Variants in SYT1 observed in about 807,000 individuals in gnomAD.
SYT1 encodes the protein synaptotagmin-1.
Under a neutral mutation model 44.8 loss-of-function variants are expected in SYT1, and 8 were observed. That is an observed-to-expected ratio of 0.18 (90% CI 0.10 to 0.32). SYT1 has a LOEUF of 0.32. Among genes scored for constraint, SYT1 ranks in the 10% least tolerant of loss-of-function variants. The pLI is 1.00. For synonymous variants in SYT1, 154 were observed against 188.8 expected (o/e 0.82, Z 1.51); for missense variants, 286 against 509.3 (o/e 0.56, Z 4.22).
At chr12:79,036,144 C>G (rs2137694176) in intron 2 of SYT1, among the ~76,000 whole-genome samples, 1 of 151,872 alleles carries the variant, frequency 6.6e-6, no homozygotes, top group Non-Finnish European at 1.5e-5. Flanking sequence ...CAGCTTATTA[C>G]AGGGAAGCAC....
At chr12:79,322,734 G>A (rs1277649295) in intron 8 of SYT1, among the ~76,000 whole-genome samples, 1 of 152,038 alleles carries the variant, frequency 6.6e-6, no homozygotes, top group Non-Finnish European at 1.5e-5. Flanking sequence ...TTTTTGGAGT[G>A]AGAGAGCGCA....
rs1870913057 is a variant in SYT1, at chr12:79,449,325, A to G, written c.*201A>G. ...CCTTCATCATACCACTGCCCTCCAA[A>G]TCTACTCTTCTTTTAAGCAATATGA... On this transcript the variant is annotated 3_prime_UTR_variant, in exon 11 of 11. Transcript: ENST00000261205. 2 of 579,516 alleles carry G rather than the reference A, an allele frequency of 3.5e-6. No individual in the cohort carries two copies. Among genetic ancestry groups the G allele is most frequent in the Non-Finnish European group, 6.1e-6 (2 of 328,124 alleles). The allele number at this position is 579,516 out of a possible 1,614,324, so 35.9% of individuals were successfully genotyped here.
At chr12:79,299,594 G>A (rs769760004) in intron 8 of SYT1, 43 bp downstream of exon 8, 14 of 1,593,646 alleles carry the variant, frequency 8.8e-6, no homozygotes, top group South Asian at 1.1e-5. Flanking sequence ...AGCTGTACTC[G>A]CCAGTTGCTG....
intron 1 of SYT1, among the ~76,000 whole-genome samples, chr12:78,952,281 C>T (rs1451877883): frequency 1.3e-5 from 2 of 152,068 alleles, no homozygotes; most frequent in Non-Finnish European, 2.9e-5. Context: ...TTGATCTGTC[C>T]TGCTACAGCA....
intron 3 of SYT1, among the ~76,000 whole-genome samples, chr12:79,150,441 G>A (rs1870198763): frequency 1.3e-5 from 2 of 152,178 alleles, no homozygotes; most frequent in Admixed American, 6.5e-5. Context: ...ACCAAAAGGT[G>A]TATTGGAGAA....
chr12:78,866,645 A>G (rs138795378), intron 1 of SYT1, among the ~76,000 whole-genome samples: 1 of 152,324 alleles, frequency 6.6e-6, no homozygotes, highest in Non-Finnish European at 1.5e-5. Flanking sequence ...GGAAGGAGGT[A>G]TAGAGAAATG....
chr12:78,971,667 C>T (rs931496455), intron 1 of SYT1, among the ~76,000 whole-genome samples: 10 of 152,070 alleles, frequency 6.6e-5, no homozygotes, highest in East Asian at 1.9e-4. Flanking sequence ...TGTATTTCTA[C>T]GTATTTTATA....
intron 4 of SYT1, among the ~76,000 whole-genome samples, chr12:79,280,548 A>T (rs11113442): frequency 0.34 from 52,201 of 151,798 alleles, 9,343 homozygotes; most frequent in East Asian, 0.58. Flanking sequence ...AACCATAAAG[A>T]TTCTAAAAGA....
chr12:79,266,566 A>G (rs1205120677), intron 4 of SYT1, among the ~76,000 whole-genome samples: 1 of 152,174 alleles, frequency 6.6e-6, no homozygotes, highest in Non-Finnish European at 1.5e-5. Context: ...AAAGAAAAAA[A>G]TCATGAAGAA....
chr12:79,323,837 T>C (rs943401149), intron 8 of SYT1, among the ~76,000 whole-genome samples: 7 of 151,080 alleles, frequency 4.6e-5, no homozygotes, highest in African/African-American at 1.7e-4. Flanking sequence ...ATATATGCTT[T>C]TGTAGTGGGT....
At chr12:79,057,448 A>T (rs898146693) in intron 3 of SYT1, among the ~76,000 whole-genome samples, 1 of 152,176 alleles carries the variant, frequency 6.6e-6, no homozygotes, top group African/African-American at 2.4e-5. Flanking sequence ...TCTGAAATAT[A>T]TTATAAGAAA....
chr12:79,286,377 A>T (rs1879315356), intron 5 of SYT1, among the ~76,000 whole-genome samples: 1 of 152,206 alleles, frequency 6.6e-6, no homozygotes, highest in Admixed American at 6.5e-5. Context: ...ACTGTTAAAT[A>T]ACTGAGTTTT....
intron 3 of SYT1, among the ~76,000 whole-genome samples, chr12:79,119,362 G>A (rs1041561227): frequency 1.3e-5 from 2 of 152,086 alleles, no homozygotes; most frequent in African/African-American, 4.8e-5. Context: ...TTCCTAACAA[G>A]TCCCTCCTTG....
chr12:79,398,614 A>C (rs928511006), intron 9 of SYT1, among the ~76,000 whole-genome samples: 1 of 152,186 alleles, frequency 6.6e-6, no homozygotes, highest in South Asian at 2.1e-4. Flanking sequence ...TATACTTTAG[A>C]CTTTAAAATG....
At chr12:78,865,576 GGA>G (rs1195251928) in intron 1 of SYT1, among the ~76,000 whole-genome samples, 7 of 131,658 alleles carry the variant, frequency 5.3e-5, no homozygotes, top group African/African-American at 1.4e-4. Flanking sequence ...GGGGGGGGGG[GGA>G]ACGTAAACAA....
chr12:79,314,729 A>G (rs1474617177), intron 8 of SYT1, among the ~76,000 whole-genome samples: 9 of 152,230 alleles, frequency 5.9e-5, no homozygotes. Flanking sequence ...CCCAAGAAAA[A>G]TGGAAACTCA....
chr12:79,432,842 G>A (rs898981377), intron 9 of SYT1, among the ~76,000 whole-genome samples: 2 of 152,116 alleles, frequency 1.3e-5, no homozygotes, highest in African/African-American at 4.8e-5. Context: ...TCGAACTCTT[G>A]ACCTCATGAT....
chr12:79,017,434 A>G (rs1184210765), intron 2 of SYT1, among the ~76,000 whole-genome samples: 1 of 152,174 alleles, frequency 6.6e-6, no homozygotes, highest in African/African-American at 2.4e-5. Flanking sequence ...ACAAAGAAAA[A>G]TTAACTAGGA....
intron 2 of SYT1, among the ~76,000 whole-genome samples, chr12:78,999,981 A>C (rs1379510751): frequency 3.3e-5 from 5 of 152,214 alleles, no homozygotes; most frequent in African/African-American, 4.8e-5. Flanking sequence ...AGTTCATGGA[A>C]ATATACAAAA....
Sources: gnomAD v4.1 joint callset for allele counts (sites outside exome capture counted in the v4.1 genomes callset) on GRCh38, gnomAD v4.1.1 for gene constraint, MANE v1.5 for transcripts, NCBI Gene and HGNC (gene_info 2026-07-23, HGNC 2026-07-21) for gene names.